Variants in CDH20 observed in about 807,000 individuals in gnomAD.
CDH20 encodes cadherin-20.
CDH20 carries 29 observed loss-of-function variants against 74.2 expected under a neutral mutation model. The ratio of observed to expected loss-of-function variants is 0.39; its 90% CI spans 0.29 to 0.53. The LOEUF (loss-of-function observed/expected upper bound fraction) is 0.53. Ranked by LOEUF, CDH20 falls within the 20% of genes least tolerant of loss-of-function variation. The pLI is 0.69. For missense variants in CDH20, 988 were observed against 1,048.3 expected (o/e 0.94, Z 0.79); for synonymous variants, 469 against 405.4 (o/e 1.16, Z -1.88).
At chr18:61,443,879 G>T (rs1909111148) in intron 1 of CDH20, among the ~76,000 whole-genome samples, 1 of 152,072 alleles carries the variant, frequency 6.6e-6, no homozygotes. Flanking sequence ...AAAGGAGAGA[G>T]TACAACACTG....
intron 1 of CDH20, among the ~76,000 whole-genome samples, chr18:61,446,393 C>G (rs1909205982): frequency 6.6e-6 from 1 of 152,150 alleles, no homozygotes; most frequent in Admixed American, 6.5e-5. Flanking sequence ...ACCGCTCTCA[C>G]TACCTTACTT....
At position 61,507,526 on chromosome 18, in the gene CDH20, C is replaced by A. The variant is rs1943330; in HGVS notation, c.983C>A (p.Pro328His). 197,243 of 1,609,098 alleles carry A rather than the reference C, an allele frequency of 0.12. 13,087 individuals carry two copies. The highest frequency in any genetic ancestry group is 0.14 in the Middle Eastern group (865 of 6,048). ...GADAFDISTD[P>H]NFQVGIITVK... The stretch of plus-strand genomic sequence containing the variant: ...GATGCCTTTGACATTAGCACAGATC[C>A]CAATTTCCAAGTTGGTATCATAACT... Residue 328 changes from proline to histidine, a missense_variant, in exon 6 of 12, where the codon CCC (proline) becomes CAC (histidine). By Grantham distance (77) the Pro-to-His change is moderately conservative (BLOSUM62 -2). Transcript: ENST00000262717.
At chr18:61,366,762 C>G (rs1433508074) in intron 1 of CDH20, among the ~76,000 whole-genome samples, 1 of 152,026 alleles carries the variant, frequency 6.6e-6, no homozygotes, top group East Asian at 1.9e-4. Context: ...TCATAATTCC[C>G]TTTTCCAATT....
chr18:61,539,278 C>T, intron 9 of CDH20, 133 bp downstream of exon 9: 2 of 874,642 alleles, frequency 2.3e-6, no homozygotes, highest in Non-Finnish European at 3.6e-6. Flanking sequence ...TCCCTAATTC[C>T]CGTATATCAG....
At chr18:61,491,940 G>A (rs1390568691) in intron 2 of CDH20, among the ~76,000 whole-genome samples, 5 of 151,912 alleles carry the variant, frequency 3.3e-5, no homozygotes, top group Admixed American at 3.3e-4. Context: ...TTGTTGGTGG[G>A]CTTGTCAGCT....
chr18:61,459,757 G>A (rs151236869), intron 1 of CDH20, among the ~76,000 whole-genome samples: 21 of 152,028 alleles, frequency 1.4e-4, no homozygotes, highest in African/African-American at 4.8e-4. Flanking sequence ...CACCACTCCA[G>A]GAGCCTTCCC....
intron 3 of CDH20, among the ~76,000 whole-genome samples, chr18:61,500,021 T>G (rs1036763202): frequency 6.8e-6 from 1 of 146,276 alleles, no homozygotes; most frequent in Admixed American, 7.1e-5. Flanking sequence ...GGGGAATCAC[T>G]TGAACCCGGG....
At chr18:61,548,704 C>T (rs985697855) in intron 10 of CDH20, among the ~76,000 whole-genome samples, 6 of 152,200 alleles carry the variant, frequency 3.9e-5, no homozygotes, top group East Asian at 1.9e-4. Flanking sequence ...CAGGCCGCCC[C>T]GCTCTGCATC....
intron 1 of CDH20, among the ~76,000 whole-genome samples, chr18:61,362,709 C>CT: frequency 6.6e-6 from 1 of 151,906 alleles, no homozygotes; most frequent in South Asian, 2.1e-4. Flanking sequence ...ACTATGACTA[C>CT]ATAGACTTAC....
chr18:61,341,570 C>T (rs1909952041), intron 1 of CDH20, among the ~76,000 whole-genome samples: 1 of 152,120 alleles, frequency 6.6e-6, no homozygotes, highest in Non-Finnish European at 1.5e-5. Flanking sequence ...TTTTTCAAAT[C>T]CCTTGATTCC....
chr18:61,488,512 G>A (rs536761335), intron 1 of CDH20, among the ~76,000 whole-genome samples: 2 of 152,202 alleles, frequency 1.3e-5, no homozygotes, highest in Admixed American at 6.5e-5. Context: ...GAGGTAGGTG[G>A]GAGAATTATT....
chr18:61,506,804 G>A (rs1207796089), intron 5 of CDH20, among the ~76,000 whole-genome samples: 1 of 152,172 alleles, frequency 6.6e-6, no homozygotes, highest in African/African-American at 2.4e-5. Context: ...AGTCTGGGGT[G>A]TAAGGACACA....
chr18:61,490,782 C>A lies in CDH20; in HGVS notation c.229C>A (p.Pro77Thr), dbSNP rs1247983365. Residue 77 changes from proline (P) to threonine (T), a missense_variant, in exon 2 of 12, where the codon CCT becomes ACT. Pro to Thr is a conservative substitution (Grantham distance 38, BLOSUM62 -1). Transcript: ENST00000262717. ...FVLEEYTGTD[P>T]LYVGKLHSDM... The stretch of plus-strand genomic sequence containing the variant: ...TCTGGAAGAGTACACTGGGACCGAC[C>A]CTTTGTATGTCGGCAAGGTAAGAAA... 1 of 1,613,986 alleles carries A rather than the reference C, an allele frequency of 6.2e-7. No individual in the cohort carries two copies. Among genetic ancestry groups the A allele is most frequent in the Non-Finnish European group, 8.5e-7 (1 of 1,179,944 alleles).
intron 1 of CDH20, among the ~76,000 whole-genome samples, chr18:61,464,093 A>G (rs975513145): frequency 5.3e-5 from 8 of 152,168 alleles, no homozygotes; most frequent in Middle Eastern, 3.2e-3. Context: ...TGTTTATGTG[A>G]TTCGCTTGCT....
intron 1 of CDH20, among the ~76,000 whole-genome samples, chr18:61,362,030 G>A (rs1910709379): frequency 6.6e-6 from 1 of 152,120 alleles, no homozygotes; most frequent in South Asian, 2.1e-4. Flanking sequence ...TCATCTCCAG[G>A]GAGGGTGAGT....
Position 61,462,968 on chromosome 18 carries a change from C to T in CDH20, c.-152-27434C>T, listed in dbSNP as rs558611942. Among the ~76,000 whole-genome samples, 8 of 152,264 alleles carry T rather than the reference C, an allele frequency of 5.3e-5. No individual in the cohort carries two copies. The South Asian group carries it at 1.0e-3, about 20-fold the overall frequency. Reference sequence around the variant, plus strand: ...TGATAGCAGTTGAATGTCTAGAAAGCGTAATTCACACTAAGTTATATACCA... The same window carrying T: ...TGATAGCAGTTGAATGTCTAGAAAGTGTAATTCACACTAAGTTATATACCA... On this transcript the variant is annotated intron_variant, in intron 1 of 11. Coordinates refer to ENST00000262717, the MANE Select transcript of CDH20 (RefSeq NM_031891.4).
chr18:61,515,490 C>T (rs542166922), intron 6 of CDH20, among the ~76,000 whole-genome samples: 391 of 151,990 alleles, frequency 2.6e-3, no homozygotes, highest in Non-Finnish European at 3.7e-3. Context: ...AGCTGTAGAC[C>T]GGAGCTGTTC....
At position 61,368,860 on chromosome 18, in the gene CDH20, C is replaced by CAA. The variant is rs1296541435; in HGVS notation, c.-153+35049_-153+35050dup. ...AGTAAAATAGAAACTAGTTCTTTTT[C>CAA]AAAAAAAAAAAAAAAAAGTTCCAAA... is the stretch of plus-strand genomic sequence containing the variant. On this transcript the variant is annotated intron_variant, in intron 1 of 11. Transcript: ENST00000262717. Among the ~76,000 whole-genome samples, 584 of 87,904 alleles carry CAA rather than the reference C, an allele frequency of 6.6e-3. 2 individuals carry two copies. Among genetic ancestry groups the CAA allele is most frequent in the African/African-American group, 0.022 (543 of 24,450 alleles). 57.7% of individuals were successfully genotyped at this position (87,904 alleles called of 152,430 possible).
chr18:61,476,523 T>C (rs1224410286), intron 1 of CDH20, among the ~76,000 whole-genome samples: 2 of 152,202 alleles, frequency 1.3e-5, no homozygotes, highest in East Asian at 3.8e-4. Context: ...ATTTATTTTA[T>C]AACAAGAGCT....
Sources: gnomAD v4.1 joint callset for allele counts (sites outside exome capture counted in the v4.1 genomes callset) on GRCh38, gnomAD v4.1.1 for gene constraint, MANE v1.5 for transcripts, NCBI Gene and HGNC (gene_info 2026-07-23, HGNC 2026-07-21) for gene names.